The following SNX4 variants were observed in gnomAD, a reference collection of about 807,000 sequenced individuals.
The protein encoded by SNX4 is sorting nexin 4.
SNX4 carries 49 observed loss-of-function variants against 70.8 expected under a neutral mutation model. The ratio of observed to expected loss-of-function variants is 0.69; its 90% CI spans 0.55 to 0.88. The LOEUF is 0.88. Among genes scored for constraint, SNX4 ranks in the 40% least tolerant of loss-of-function variants. The pLI, the probability that SNX4 is intolerant of heterozygous loss-of-function variation, is 0.00. For missense variants in SNX4, 528 were observed against 544.8 expected (o/e 0.97, Z 0.31); for synonymous variants, 206 against 183.8 (o/e 1.12, Z -0.98).
At chr3:125,475,989 C>A (rs902799475) in intron 8 of SNX4, among the ~76,000 whole-genome samples, 3 of 150,948 alleles carry the variant, frequency 2.0e-5, no homozygotes, top group African/African-American at 7.3e-5. Flanking sequence ...AAAAAAAAAA[C>A]CGGGTGCAGT....
At chr3:125,469,114 T>C (rs577295288) in intron 9 of SNX4, among the ~76,000 whole-genome samples, 2 of 152,214 alleles carry the variant, frequency 1.3e-5, no homozygotes, top group Non-Finnish European at 2.9e-5. Context: ...AAGTACAATA[T>C]TGGCTATAAA....
chr3:125,519,917 G>T, intron 1 of SNX4, 115 bp downstream of exon 1: 1 of 977,026 alleles, frequency 1.0e-6, no homozygotes, highest in Non-Finnish European at 1.4e-6. Context: ...TCACTGCTGG[G>T]CCTCCTCGGC....
rs1559806389 is a variant in SNX4, at chr3:125,447,574, C to T, written c.*205G>A. Reference sequence around the variant, plus strand: ...ACTTTTTGGAATCAGCACCAGTCCCCAAAACCTCAAATTATAATATTTAAT... The same window carrying T: ...ACTTTTTGGAATCAGCACCAGTCCCTAAAACCTCAAATTATAATATTTAAT... On this transcript the variant is annotated 3_prime_UTR_variant, in exon 14 of 14. Transcript: ENST00000251775. The T allele has an allele frequency of 7.0e-6, 3 of 426,240 alleles. No individual in the cohort carries two copies. Among genetic ancestry groups the T allele is most frequent in the Non-Finnish European group, 1.2e-5 (3 of 246,298 alleles). The allele number at this position is 426,240 out of a possible 1,614,324, so 26.4% of individuals were successfully genotyped here.
rs1934571359 is a variant in SNX4 at position 125,488,134 on chromosome 3, C to A, written c.653+1274G>T. Among the ~76,000 whole-genome samples, 2 of 126,114 alleles carry A rather than the reference C, an allele frequency of 1.6e-5. 1 individual carries two copies. Among genetic ancestry groups the A allele is most frequent in the South Asian group, 5.3e-4 (2 of 3,758 alleles). 82.7% of individuals were successfully genotyped at this position (126,114 alleles called of 152,430 possible). Reference sequence around the variant, plus strand: ...ACTCCACTCAATTTTGCTAACTCTACTAAACCTGTAACTGCTGTAAAAAAA... The same window carrying A: ...ACTCCACTCAATTTTGCTAACTCTAATAAACCTGTAACTGCTGTAAAAAAA... On this transcript the variant is annotated intron_variant, in intron 6 of 13. Transcript: ENST00000251775.
chr3:125,476,951 T>G (rs1934302751), intron 7 of SNX4, among the ~76,000 whole-genome samples, 195 bp from the exon 8 acceptor site: 1 of 152,180 alleles, frequency 6.6e-6, no homozygotes, highest in Non-Finnish European at 1.5e-5. Flanking sequence ...ATCTTATACT[T>G]TTGTACTTCT....
chr3:125,468,077 A>G (rs1360610924), intron 9 of SNX4, among the ~76,000 whole-genome samples: 1 of 152,120 alleles, frequency 6.6e-6, no homozygotes, highest in Admixed American at 6.5e-5. Context: ...GAATAGATGC[A>G]GCAATAAGGA....
chr3:125,507,360 GA>G (rs1935072025), intron 1 of SNX4, among the ~76,000 whole-genome samples: 1 of 151,870 alleles, frequency 6.6e-6, no homozygotes, highest in Non-Finnish European at 1.5e-5. Context: ...CCAAGGAACA[GA>G]AAAAAGATGG....
chr3:125,508,831 AT>A (rs1935104909), intron 1 of SNX4, among the ~76,000 whole-genome samples: 1 of 152,172 alleles, frequency 6.6e-6, no homozygotes, highest in African/African-American at 2.4e-5. Context: ...AAAAAAATAA[AT>A]TGGACCCTTA....
chr3:125,502,887 C>A (rs1002289890), intron 2 of SNX4, among the ~76,000 whole-genome samples: 3 of 146,496 alleles, frequency 2.0e-5, no homozygotes. Flanking sequence ...AACATTAAAA[C>A]ATTGTTATAA....
At position 125,469,515 on chromosome 3, in the gene SNX4, A is replaced by G. The variant is rs1456928724; in HGVS notation, c.793T>C (p.Trp265Arg). The stretch of plus-strand genomic sequence containing the variant: ...CCCATTTCTTTTTCTATGGCACTCC[A>G]TTCACTAGGGAGTAAAAGATAAAAC... ...HGNYGRVFSEWSAIEKEMGDG... is the reference protein window; with the variant it reads ...HGNYGRVFSERSAIEKEMGDG... The change falls in exon 9 of 14, where the codon TGG becomes CGG. Residue 265 changes from tryptophan to arginine, a missense_variant. By Grantham distance (101) the Trp-to-Arg change is moderately radical. Coordinates refer to ENST00000251775, the MANE Select transcript of SNX4 (RefSeq NM_003794.4). 6.2e-7 allele frequency: 1 copy of G among 1,609,348 alleles called. No homozygotes were observed.
chr3:125,471,344 C>CAAAACA (rs1934166195), intron 8 of SNX4, among the ~76,000 whole-genome samples: 1 of 28,160 alleles, frequency 3.6e-5, no homozygotes, highest in African/African-American at 1.8e-4. Flanking sequence ...AGCTCCATCT[C>CAAAACA]AAAAAAAAAA....
intron 2 of SNX4, among the ~76,000 whole-genome samples, chr3:125,502,836 A>G (rs1015597436): frequency 4.3e-5 from 6 of 139,812 alleles, no homozygotes; most frequent in African/African-American, 1.4e-4. Context: ...CCTGGGTGAC[A>G]GAGTGAGACT....
intron 13 of SNX4, among the ~76,000 whole-genome samples, chr3:125,450,050 G>A (rs1439520823): frequency 6.6e-6 from 1 of 152,142 alleles, no homozygotes; most frequent in Non-Finnish European, 1.5e-5. Context: ...TTTAAGATCA[G>A]CCTGGGTGAC....
intron 1 of SNX4, among the ~76,000 whole-genome samples, chr3:125,508,566 CAA>C (rs564123552): frequency 3.2e-4 from 31 of 98,264 alleles, no homozygotes; most frequent in Admixed American, 2.4e-4. Flanking sequence ...GACTCTGTCT[CAA>C]AAAAAAAAAA....
At chr3:125,448,754 C>A (rs762377000) in intron 13 of SNX4, among the ~76,000 whole-genome samples, 1 of 145,032 alleles carries the variant, frequency 6.9e-6, no homozygotes, top group Non-Finnish European at 1.5e-5. Context: ...CGGCTCACTG[C>A]AAGCTCCACC....
Position 125,480,276 on chromosome 3 carries a change from C to T in SNX4, c.697G>A (p.Val233Ile), listed in dbSNP as rs549403092. The part of the protein sequence containing the change: ...LKHYSDELQS[V>I]ISHLLRVRAR... ...CTGACTCGAAGAAGATGTGAGATGACAGACTGCAGTTCATCACTATAGTGC... is the reference window on the plus strand; with the variant it reads ...CTGACTCGAAGAAGATGTGAGATGATAGACTGCAGTTCATCACTATAGTGC... Residue 233 changes from valine to isoleucine, a missense_variant, in exon 7 of 14, where the codon GTC becomes ATC. Physicochemically the swap from Val to Ile is conservative, Grantham distance 29. Coordinates refer to ENST00000251775, the MANE Select transcript of SNX4 (RefSeq NM_003794.4). The T allele has an allele frequency of 8.3e-6, 13 of 1,568,034 alleles. No homozygotes were observed. In the East Asian group the frequency reaches 2.8e-4, roughly 34 times the overall value.
intron 1 of SNX4, among the ~76,000 whole-genome samples, chr3:125,518,573 A>G (rs1167358067): frequency 3.3e-5 from 5 of 152,194 alleles, no homozygotes; most frequent in Non-Finnish European, 7.3e-5. Flanking sequence ...GCTGGTCTCT[A>G]AACTTAAAAG....
At chr3:125,519,969 G>T in intron 1 of SNX4, 63 bp downstream of exon 1, 1 of 841,270 alleles carries the variant, frequency 1.2e-6, no homozygotes, top group Non-Finnish European at 1.7e-6. Flanking sequence ...GCCCAGCCCA[G>T]CCCAGCCCGG....
rs920316745 is a variant in SNX4, at chr3:125,447,379, G to C, written c.*400C>G. On this transcript the variant is annotated 3_prime_UTR_variant, in exon 14 of 14. Coordinates refer to ENST00000251775, the MANE Select transcript of SNX4 (RefSeq NM_003794.4). ...AACAACTCCCTATAACAGATTAGTG[G>C]ATCTTACCAAGTAAATATAGGAATT... 2.5e-5 allele frequency: 4 copies of C among 160,438 alleles called. No individual in the cohort carries two copies. Among genetic ancestry groups the C allele is most frequent in the African/African-American group, 9.6e-5 (4 of 41,552 alleles). 9.9% of individuals were successfully genotyped at this position (160,438 alleles called of 1,614,324 possible). A position where few individuals can be genotyped will look rare whatever the true frequency, so the allele number is the denominator to read the frequency against.
Sources: gnomAD v4.1 joint callset for allele counts (sites outside exome capture counted in the v4.1 genomes callset) on GRCh38, gnomAD v4.1.1 for gene constraint, MANE v1.5 for transcripts, NCBI Gene and HGNC (gene_info 2026-07-23, HGNC 2026-07-21) for gene names.